PTPRD: variants seen among roughly 807,000 people sequenced by gnomAD.
PTPRD encodes receptor-type tyrosine-protein phosphatase delta.
PTPRD carries 34 observed loss-of-function variants against 214.5 expected under a neutral mutation model. The observed-to-expected ratio is 0.16, with a 90% CI of 0.12 to 0.21. PTPRD has a LOEUF of 0.21. PTPRD is among the 10% of genes least tolerant of loss of function. The pLI is 1.00. For synonymous variants in PTPRD, 1,128 were observed against 845.7 expected (o/e 1.33, Z -5.79); for missense variants, 2,545 against 2,398.7 (o/e 1.06, Z -1.27).
At chr9:9,942,583 A>C (rs1165928487) in intron 4 of PTPRD, among the ~76,000 whole-genome samples, 1 of 152,040 alleles carries the variant, frequency 6.6e-6, no homozygotes, top group East Asian at 1.9e-4. Flanking sequence ...CTTCCTTGAG[A>C]ATCAAACTAA....
intron 2 of PTPRD, among the ~76,000 whole-genome samples, chr9:10,345,522 T>A (rs1055195809): frequency 1.3e-5 from 2 of 152,030 alleles, no homozygotes; most frequent in African/African-American, 4.8e-5. Context: ...GGTGTTTGGT[T>A]TTCTGTTCTT....
chr9:10,437,370 C>T (rs564795552), intron 2 of PTPRD, among the ~76,000 whole-genome samples: 53 of 151,922 alleles, frequency 3.5e-4, no homozygotes, highest in African/African-American at 1.2e-3. Flanking sequence ...TCCTGAGTTT[C>T]CAGATACTGT....
chr9:9,063,213 C>G (rs1171388242), intron 10 of PTPRD, among the ~76,000 whole-genome samples: 1 of 152,106 alleles, frequency 6.6e-6, no homozygotes, highest in Non-Finnish European at 1.5e-5. Flanking sequence ...GGTATCTCAT[C>G]TTTAATATGA....
At chr9:10,179,087 AT>A (rs2099266765) in intron 3 of PTPRD, among the ~76,000 whole-genome samples, 1 of 151,988 alleles carries the variant, frequency 6.6e-6, no homozygotes, top group African/African-American at 2.4e-5. Flanking sequence ...TTAAACCAAA[AT>A]TTTAATGGTC....
intron 11 of PTPRD, among the ~76,000 whole-genome samples, chr9:8,955,189 G>A (rs560843984): frequency 6.6e-6 from 1 of 151,878 alleles, no homozygotes; most frequent in Non-Finnish European, 1.5e-5. Flanking sequence ...TAGGCCAGCT[G>A]TTCTTTAGCT....
intron 7 of PTPRD, among the ~76,000 whole-genome samples, chr9:9,596,953 C>T (rs2093398188): frequency 6.6e-6 from 1 of 151,728 alleles, no homozygotes; most frequent in Non-Finnish European, 1.5e-5. Flanking sequence ...ATTATTCTGC[C>T]CCAAAGAAAC....
chr9:8,555,120 T>G (rs543469909), intron 14 of PTPRD, among the ~76,000 whole-genome samples: 20 of 152,174 alleles, frequency 1.3e-4, no homozygotes, highest in African/African-American at 4.6e-4. Context: ...TCCTCAAATA[T>G]TTAAGACTCA....
intron 7 of PTPRD, among the ~76,000 whole-genome samples, chr9:9,577,751 A>G (rs2089377930): frequency 3.3e-5 from 5 of 152,058 alleles, no homozygotes; most frequent in Admixed American, 3.3e-4. Context: ...TTCTAGCCAA[A>G]TAAATTGGAT....
intron 11 of PTPRD, among the ~76,000 whole-genome samples, chr9:8,800,086 A>G (rs909063579): frequency 2.0e-5 from 3 of 152,048 alleles, no homozygotes; most frequent in African/African-American, 7.2e-5. Context: ...CAAGGCTCCA[A>G]AGGTGTGATA....
chr9:9,474,102 T>G (rs1207791899), intron 8 of PTPRD, among the ~76,000 whole-genome samples: 1 of 152,108 alleles, frequency 6.6e-6, no homozygotes, highest in Non-Finnish European at 1.5e-5. Flanking sequence ...GGTCTTAGTT[T>G]AAGTCTTTAT....
intron 3 of PTPRD, among the ~76,000 whole-genome samples, chr9:10,291,402 CT>C (rs1162328732): frequency 6.6e-6 from 1 of 152,072 alleles, no homozygotes; most frequent in East Asian, 1.9e-4. Flanking sequence ...GCAAAAGAAA[CT>C]TTTCAGAGAT....
At chr9:8,756,492 T>C (rs1007747559) in intron 11 of PTPRD, among the ~76,000 whole-genome samples, 2 of 152,202 alleles carry the variant, frequency 1.3e-5, no homozygotes, top group African/African-American at 4.8e-5. Flanking sequence ...AACTCACAGA[T>C]CAAAGGAGAC....
chr9:9,102,364 C>G (rs2099792573), intron 10 of PTPRD, among the ~76,000 whole-genome samples: 1 of 152,150 alleles, frequency 6.6e-6, no homozygotes, highest in Non-Finnish European at 1.5e-5. Context: ...GGGTGATGAT[C>G]TAAACAGAAG....
At chr9:9,601,885 T>C (rs17785914) in intron 7 of PTPRD, among the ~76,000 whole-genome samples, 45,337 of 151,878 alleles carry the variant, frequency 0.3, 8,521 homozygotes, top group Non-Finnish European at 0.42. Context: ...TTTAAAGTCT[T>C]TGGGGTGAGC....
At chr9:10,208,084 T>C (rs913991584) in intron 3 of PTPRD, among the ~76,000 whole-genome samples, 1 of 152,244 alleles carries the variant, frequency 6.6e-6, no homozygotes. Flanking sequence ...GTCAAGTTTC[T>C]GGTTCCCAGG....
intron 9 of PTPRD, among the ~76,000 whole-genome samples, chr9:9,222,179 A>G (rs567178143): frequency 6.6e-6 from 1 of 152,148 alleles, no homozygotes; most frequent in East Asian, 1.9e-4. Context: ...TATTAATTTA[A>G]TTTAATAGCT....
chr9:8,836,746 G>A (rs1484879238), intron 11 of PTPRD, among the ~76,000 whole-genome samples: 2 of 151,048 alleles, frequency 1.3e-5, no homozygotes, highest in African/African-American at 4.9e-5. Flanking sequence ...ACAAGCGCAT[G>A]CCACCATGTC....
At chr9:10,465,773 T>C (rs56869826) in intron 2 of PTPRD, among the ~76,000 whole-genome samples, 37,527 of 152,116 alleles carry the variant, frequency 0.25, 4,779 homozygotes, top group East Asian at 0.38. Flanking sequence ...TGTAGGTTTG[T>C]GTAAGCACAT....
rs564200005 is a variant in PTPRD, at chr9:8,471,219, C to G, written c.3414-134G>C. The G allele has an allele frequency of 6.6e-5, 46 of 691,890 alleles. No individual in the cohort carries two copies. In the Admixed American group the frequency reaches 7.4e-4, roughly 11 times the overall value. The allele number at this position is 691,890 out of a possible 1,614,324, so 42.9% of individuals were successfully genotyped here. On this transcript the variant is annotated intron_variant, in intron 30 of 45. Transcript: ENST00000381196. ...GGGGTGACTTGTCCATTTCTTACAT[C>G]AATGACAAATATCCACCTGTTTGTT... is the stretch of plus-strand genomic sequence containing the variant.
Sources: allele counts gnomAD v4.1 joint callset (sites outside exome capture counted in the v4.1 genomes callset), GRCh38; gene constraint gnomAD v4.1.1; transcripts MANE v1.5; gene names NCBI Gene and HGNC (gene_info 2026-07-23, HGNC 2026-07-21).